LRP2: variants seen among roughly 807,000 people sequenced by gnomAD.
LRP2 encodes the protein low-density lipoprotein receptor-related protein 2.
In LRP2, 172 loss-of-function variants were observed where a neutral mutation model predicts 531.0. The ratio of observed to expected loss-of-function variants is 0.32; its 90% confidence interval spans 0.29 to 0.37. The LOEUF (loss-of-function observed/expected upper bound fraction) is 0.37, where lower values mean the gene tolerates loss of function less well. Among genes scored for constraint, LRP2 ranks in the 10% least tolerant of loss-of-function variants. LRP2 has a pLI of 1.00. For missense variants in LRP2, 5,167 were observed against 5,868.3 expected, an observed-to-expected ratio of 0.88 and a Z score of 3.90; for synonymous variants, 1,992 against 2,027.6, an observed-to-expected ratio of 0.98 and a Z score of 0.47.
chr2:169,163,005 A>G (rs572457205), intron 62 of LRP2, among the ~76,000 whole-genome samples: 1 of 152,348 alleles, frequency 6.6e-6, no homozygotes, highest in East Asian at 1.9e-4. Flanking sequence ...AGCTAGTATT[A>G]ATTACTCCGA....
intron 16 of LRP2, among the ~76,000 whole-genome samples, chr2:169,265,714 C>A (rs1690771892): frequency 6.6e-6 from 1 of 151,948 alleles, no homozygotes; most frequent in African/African-American, 2.4e-5. Context: ...TTCAAAGACT[C>A]AAAATATATG....
intron 9 of LRP2, among the ~76,000 whole-genome samples, chr2:169,283,991 C>T (rs573427803): frequency 6.6e-6 from 1 of 152,156 alleles, no homozygotes; most frequent in Non-Finnish European, 1.5e-5. Flanking sequence ...TCACCCTCCT[C>T]GCTTCCCTGG....
chr2:169,226,077 G>C (rs1294907622), intron 32 of LRP2, among the ~76,000 whole-genome samples: 1 of 152,196 alleles, frequency 6.6e-6, no homozygotes, highest in Non-Finnish European at 1.5e-5. Flanking sequence ...TCCTCTAGGG[G>C]CAAGCATTGT....
intron 27 of LRP2, among the ~76,000 whole-genome samples, 184 bp from the exon 28 acceptor site, chr2:169,237,471 T>C (rs188840748): frequency 4.3e-4 from 65 of 152,302 alleles, no homozygotes; most frequent in Non-Finnish European, 7.1e-4. Flanking sequence ...GAGAAAAGTA[T>C]ACAAGATTTT....
intron 1 of LRP2, among the ~76,000 whole-genome samples, chr2:169,333,322 C>T (rs1287002291): frequency 1.3e-5 from 2 of 152,044 alleles, no homozygotes; most frequent in South Asian, 2.1e-4. Flanking sequence ...TGAGACTAAG[C>T]GACCTCTGTA....
intron 70 of LRP2, among the ~76,000 whole-genome samples, chr2:169,144,199 G>A (rs192729026): frequency 3.5e-4 from 53 of 152,284 alleles, no homozygotes; most frequent in African/African-American, 1.2e-3. Context: ...CAGCATCAAC[G>A]TCACAGGAGA....
intron 12 of LRP2, among the ~76,000 whole-genome samples, chr2:169,279,128 AAAC>A (rs1683631915): frequency 2.0e-5 from 3 of 152,192 alleles, no homozygotes; most frequent in South Asian, 4.1e-4. Flanking sequence ...CATAGCCCCA[AAAC>A]AACAAGTATT....
At position 169,275,177 on chromosome 2, in the gene LRP2, C is replaced by T. The variant is rs1361884925; in HGVS notation, c.1834G>A (p.Gly612Ser). Residue 612 changes from glycine (G) to serine (S), a missense_variant, in exon 14 of 79, where the codon GGT becomes AGT. By Grantham distance (56) the Gly-to-Ser change is moderately conservative. Coordinates refer to ENST00000649046, the MANE Select transcript of LRP2 (RefSeq NM_004525.3). Reference sequence around the variant, plus strand: ...GTCCAATCTGTAAAGAACACCTGACCTTCAAATAAGCTTACTCCAAAGGGA... The same window carrying T: ...GTCCAATCTGTAAAGAACACCTGACTTTCAAATAAGCTTACTCCAAAGGGA... ...PHPFGVSLFEGQVFFTDWTKM... is the reference protein window; with the variant it reads ...PHPFGVSLFESQVFFTDWTKM... 6.2e-6 allele frequency: 10 copies of T among 1,613,792 alleles called. No homozygotes were observed. The highest frequency in any genetic ancestry group is 8.5e-6 in the Non-Finnish European group (10 of 1,179,830).
chr2:169,150,803 A>C (rs1392364510), intron 68 of LRP2, 95 bp downstream of exon 68: 56 of 1,497,564 alleles, frequency 3.7e-5, no homozygotes, highest in Non-Finnish European at 5.1e-5. Flanking sequence ...GGACAATTTC[A>C]GTTAAACTAG....
At position 169,145,863 on chromosome 2, in the gene LRP2, T is replaced by G. The variant is rs779369623; in HGVS notation, c.12872A>C (p.Lys4291Thr). 1 of 1,613,804 alleles carries G rather than the reference T, an allele frequency of 6.2e-7. No individual in the cohort carries two copies. Among genetic ancestry groups the G allele is most frequent in the Non-Finnish European group, 8.5e-7 (1 of 1,179,704 alleles). ...TTTATTTTGTTTCCATACTTCTCCC[T>G]TTTCCTTAGATATCCAGTATAACTG... ...EDQLYWISKE[K>T]GEVWKQNKFG... The change falls in exon 70 of 79, where the codon AAG (lysine) becomes ACG (threonine). Residue 4291 changes from lysine to threonine, a missense_variant. Around this residue, in one of 6 missense-constraint regions of LRP2, gnomAD observed 564 missense variants for 747.7 expected, o/e 0.75. Coordinates refer to ENST00000649046, the MANE Select transcript of LRP2 (RefSeq NM_004525.3).
chr2:169,151,692 CTTATT>C (rs1686139467), intron 67 of LRP2, among the ~76,000 whole-genome samples: 3 of 152,194 alleles, frequency 2.0e-5, no homozygotes, highest in African/African-American at 7.2e-5. Flanking sequence ...TCTTAATTCT[CTTATT>C]CATTAAGGCT....
chr2:169,273,260 G>A (rs971921884), intron 14 of LRP2, among the ~76,000 whole-genome samples, 193 bp from the exon 15 acceptor site: 3 of 151,830 alleles, frequency 2.0e-5, no homozygotes, highest in African/African-American at 7.3e-5. Flanking sequence ...TTTCACTGCT[G>A]CTCTCCCATC....
In LRP2 at chr2:169,138,947, A is replaced by G. The variant is rs548051163; in HGVS notation, c.13389-241T>C. ...CTAAAAGAAAAAGAGTCCAGCACATAGAAGGATAAAGCCTGGGCCATCACA... is the reference window on the plus strand; with the variant it reads ...CTAAAAGAAAAAGAGTCCAGCACATGGAAGGATAAAGCCTGGGCCATCACA... On this transcript the variant is annotated intron_variant, in intron 74 of 78. Transcript: ENST00000649046. Among the ~76,000 whole-genome samples the G allele has an allele frequency of 1.5e-4, 23 of 152,316 alleles. No homozygotes were observed. In the South Asian group the frequency reaches 4.8e-3, roughly 32 times the overall value.
chr2:169,324,635 A>G (rs1004096447), intron 1 of LRP2, among the ~76,000 whole-genome samples: 2 of 141,354 alleles, frequency 1.4e-5, no homozygotes, highest in African/African-American at 5.7e-5. Context: ...TAGGGGAAAA[A>G]AAAAAAAAAA....
At chr2:169,360,419 C>A (rs1159579776) in intron 1 of LRP2, among the ~76,000 whole-genome samples, 2 of 145,042 alleles carry the variant, frequency 1.4e-5, no homozygotes, top group Non-Finnish European at 3.1e-5. Context: ...TATTACTATA[C>A]ACATTATTAT....
intron 52 of LRP2, among the ~76,000 whole-genome samples, chr2:169,180,754 C>T (rs184045160): frequency 2.6e-5 from 4 of 152,312 alleles, no homozygotes; most frequent in Non-Finnish European, 4.4e-5. Flanking sequence ...GTTCCTGGAT[C>T]GTTATCCATA....
chr2:169,321,379 T>G (rs72880428), intron 1 of LRP2, among the ~76,000 whole-genome samples: 7,269 of 152,038 alleles, frequency 0.048, 219 homozygotes, highest in Non-Finnish European at 0.06. Context: ...TATGGAGAAA[T>G]TCTAAGTACT....
chr2:169,241,396 G>C (rs372594501), intron 24 of LRP2, 31 bp from the exon 25 acceptor site: 117 of 1,612,450 alleles, frequency 7.3e-5, no homozygotes, highest in Non-Finnish European at 8.9e-5. Flanking sequence ...AAATCGGCTT[G>C]TGAATGTAAT....
At chr2:169,239,295 A>G (rs1689719773) in intron 26 of LRP2, among the ~76,000 whole-genome samples, 1 of 152,196 alleles carries the variant, frequency 6.6e-6, no homozygotes, top group South Asian at 2.1e-4. Context: ...TACTTTAAAA[A>G]TCATTGACTT....
Sources: gnomAD v4.1 joint callset for allele counts (sites outside exome capture counted in the v4.1 genomes callset) on GRCh38, gnomAD v4.1.1 for gene constraint, gnomAD v4.1.1 regional missense constraint, MANE v1.5 for transcripts, NCBI Gene and HGNC (gene_info 2026-07-23, HGNC 2026-07-21) for gene names.